The following PCDHA6 variants were observed in gnomAD, a reference collection of about 807,000 sequenced individuals.
PCDHA6 encodes protocadherin alpha 6, also known as protocadherin alpha-6.
Under a neutral mutation model 60.3 loss-of-function variants are expected in PCDHA6, and 55 were observed. The observed-to-expected ratio is 0.91, with a 90% CI of 0.73 to 1.14. The LOEUF (loss-of-function observed/expected upper bound fraction) is 1.14, where lower values mean the gene tolerates loss of function less well. PCDHA6 is among the 50% of genes most tolerant of loss of function. The pLI is 0.00. For missense variants in PCDHA6, 1,327 were observed against 1,256.5 expected (o/e 1.06, Z -0.85); for synonymous variants, 652 against 557.9 (o/e 1.17, Z -2.38).
intron 1 of PCDHA6, chr5:140,831,149 C>A (rs2150192022): frequency 6.6e-6 from 1 of 152,098 alleles, no homozygotes; most frequent in Non-Finnish European, 1.5e-5. Flanking sequence ...TATTTACTAC[C>A]GATCTAAATA....
chr5:140,902,615 G>C (rs2153477614), intron 1 of PCDHA6, among the ~76,000 whole-genome samples: 1 of 152,128 alleles, frequency 6.6e-6, no homozygotes, highest in Admixed American at 6.6e-5. Context: ...AGTTACATGG[G>C]TAAGTTATTT....
chr5:140,861,396 C>T, intron 1 of PCDHA6: 1 of 455,520 alleles, frequency 2.2e-6, no homozygotes, highest in Non-Finnish European at 4.5e-6. Context: ...GGGTCTGGAG[C>T]TTGTGGAGCT....
chr5:141,009,716 C>A lies in PCDHA6; in HGVS notation c.2632C>A (p.Gln878Lys). Residue 878 changes from glutamine (Q) to lysine (K), a missense_variant, in exon 4 of 4, where the codon CAA becomes AAA. Transcript: ENST00000529310. ...TFKYGPGNPK[Q>K]SGPGELPDKF... is the part of the protein sequence containing the mutation. ...TAAATACGGACCAGGCAACCCCAAACAATCCGGTCCCGGTGAGTTGCCCGA... is the reference window on the plus strand; with the variant it reads ...TAAATACGGACCAGGCAACCCCAAAAAATCCGGTCCCGGTGAGTTGCCCGA... 3 of 1,614,168 alleles carry A rather than the reference C, an allele frequency of 1.9e-6. No homozygotes were observed. The highest frequency in any genetic ancestry group is 2.5e-6 in the Non-Finnish European group (3 of 1,180,034).
At chr5:140,998,008 T>C (rs1447849810) in intron 3 of PCDHA6, among the ~76,000 whole-genome samples, 6 of 152,128 alleles carry the variant, frequency 3.9e-5, no homozygotes, top group East Asian at 1.9e-4. Flanking sequence ...GAGCCTTCCA[T>C]CCCCACCTCG....
intron 2 of PCDHA6, among the ~76,000 whole-genome samples, chr5:140,980,645 G>A (rs1322302727): frequency 6.7e-6 from 1 of 149,206 alleles, no homozygotes; most frequent in African/African-American, 2.5e-5. Flanking sequence ...ATAAATAAAT[G>A]AATAAAATAA....
intron 1 of PCDHA6, chr5:140,884,544 G>A (rs1554181708): frequency 6.2e-7 from 1 of 1,614,222 alleles, no homozygotes; most frequent in East Asian, 2.2e-5. Flanking sequence ...CCGAGGGTGT[G>A]CTCTGGGGAG....
At chr5:140,849,221 C>T (rs1383448278) in intron 1 of PCDHA6, 3 of 1,037,238 alleles carry the variant, frequency 2.9e-6, no homozygotes, top group Admixed American at 2.8e-5. Flanking sequence ...CCCCAGTGTT[C>T]GACAGAACCC....
At chr5:140,858,612 A>G (rs1554151880) in intron 1 of PCDHA6, 2 of 1,223,056 alleles carry the variant, frequency 1.6e-6, no homozygotes, top group Admixed American at 2.7e-5. Flanking sequence ...AAATTTTTTT[A>G]TCCTACCCAG....
chr5:140,870,845 C>T lies in PCDHA6; in HGVS notation c.2394+40360C>T, dbSNP rs782454963. ...GGAGGCGCAGTTAACAAGCTAGTAC[C>T]GCGGTCGGTGGGTGCGGGCCACGTG... On this transcript the variant is annotated intron_variant, in intron 1 of 3. Transcript: ENST00000529310. The T allele has an allele frequency of 5.0e-6, 8 of 1,613,718 alleles. No individual in the cohort carries two copies. The highest frequency in any genetic ancestry group is 6.8e-6 in the Non-Finnish European group (8 of 1,179,896).
intron 1 of PCDHA6, chr5:140,842,664 T>C: frequency 6.3e-7 from 1 of 1,595,188 alleles, no homozygotes; most frequent in Non-Finnish European, 8.6e-7. Context: ...GTGGCCGACG[T>C]GAACGACAAT....
rs782079089 is a variant in PCDHA6, at chr5:141,009,663, C to T, written c.2579C>T (p.Ala860Val). 4 of 1,614,034 alleles carry T rather than the reference C, an allele frequency of 2.5e-6. No individual in the cohort carries two copies. Among genetic ancestry groups the T allele is most frequent in the East Asian group, 2.2e-5 (1 of 44,876 alleles). ...GGAGAAGTGTCCCCTCCAGTCGGTG[C>T]GGGTGTCAACAGCAACAGCTGGACC... Reference protein sequence around the residue: ...EAGEVSPPVGAGVNSNSWTFK... With the variant: ...EAGEVSPPVGVGVNSNSWTFK... Residue 860 changes from alanine to valine, a missense_variant, in exon 4 of 4, where the codon GCG (alanine) becomes GTG (valine). Transcript: ENST00000529310.
At chr5:140,926,789 G>C in intron 1 of PCDHA6, 1 of 1,432,318 alleles carries the variant, frequency 7.0e-7, no homozygotes, top group Non-Finnish European at 9.1e-7. Context: ...CGGCCGGCAG[G>C]AGCGTGCTCT....
chr5:140,992,393 A>C (rs2097508684), intron 3 of PCDHA6, among the ~76,000 whole-genome samples: 1 of 152,180 alleles, frequency 6.6e-6, no homozygotes, highest in South Asian at 2.1e-4. Context: ...TTCTGGACTT[A>C]GAGATATTGT....
chr5:140,882,577 C>T (rs370671644), intron 1 of PCDHA6: 45 of 1,614,120 alleles, frequency 2.8e-5, no homozygotes, highest in East Asian at 1.3e-4. Flanking sequence ...CGGAGTGCAG[C>T]ATCCACCTGG....
chr5:140,858,663 C>A, intron 1 of PCDHA6: 1 of 735,366 alleles, frequency 1.4e-6, no homozygotes, highest in Non-Finnish European at 2.1e-6. Flanking sequence ...TTTTAAATAA[C>A]AATTTATTCT....
chr5:140,846,981 G>T (rs1054383411), intron 1 of PCDHA6, among the ~76,000 whole-genome samples: 3 of 149,582 alleles, frequency 2.0e-5, no homozygotes, highest in Admixed American at 1.3e-4. Flanking sequence ...AAATAAGTAA[G>T]TTCCCCCCGG....
chr5:140,836,424 C>T (rs2150260544), intron 1 of PCDHA6: 2 of 1,613,814 alleles, frequency 1.2e-6, no homozygotes, highest in Non-Finnish European at 1.7e-6. Flanking sequence ...GGCGTCGTCG[C>T]GGGCATCGTT....
rs1291413682 is a variant in PCDHA6, at chr5:140,856,005, C to G, written c.2394+25520C>G. ...GAAAATGTCAGATCGTATGTGCGTT[C>G]TAGACCGCTGATTCGTCGATTTGTA... is the stretch of plus-strand genomic sequence containing the variant. On this transcript the variant is annotated intron_variant, in intron 1 of 3. Coordinates refer to ENST00000529310, the MANE Select transcript of PCDHA6 (RefSeq NM_018909.4). 6.5e-6 allele frequency: 10 copies of G among 1,538,764 alleles called. 3 individuals carry two copies. In the African/African-American group the frequency reaches 1.4e-4, roughly 21 times the overall value.
intron 3 of PCDHA6, among the ~76,000 whole-genome samples, chr5:141,000,512 CCTT>C (rs1340468179): frequency 2.1e-5 from 3 of 144,282 alleles, no homozygotes; most frequent in Non-Finnish European, 4.5e-5. Context: ...ACTGCAACCT[CCTT>C]CTCCAGGGTT....
Sources: gnomAD v4.1 joint callset for allele counts (sites outside exome capture counted in the v4.1 genomes callset) on GRCh38, gnomAD v4.1.1 for gene constraint, MANE v1.5 for transcripts, NCBI Gene and HGNC (gene_info 2026-07-23, HGNC 2026-07-21) for gene names.